RARS2: variants seen among roughly 807,000 people sequenced by gnomAD.
RARS2 encodes the protein probable arginine--tRNA ligase, mitochondrial.
RARS2 carries 67 observed loss-of-function variants against 88.5 expected under a neutral mutation model. That is an observed-to-expected ratio of 0.76 (90% CI 0.62 to 0.93). The LOEUF is 0.93. RARS2 is among the 40% of genes least tolerant of loss of function. The pLI, the probability that RARS2 is intolerant of heterozygous loss-of-function variation, is 0.00. For synonymous variants in RARS2, 239 were observed against 230.3 expected (o/e 1.04, Z -0.34); for missense variants, 664 against 684.2 (o/e 0.97, Z 0.33).
intron 8 of RARS2, among the ~76,000 whole-genome samples, chr6:87,539,887 A>T (rs1267635909): frequency 6.6e-6 from 1 of 152,184 alleles, no homozygotes; most frequent in African/African-American, 2.4e-5. Context: ...GTGGGCCTGG[A>T]TCTCATGAAA....
chr6:87,561,421 T>C (rs1487319317), intron 4 of RARS2, among the ~76,000 whole-genome samples: 1 of 152,212 alleles, frequency 6.6e-6, no homozygotes, highest in Non-Finnish European at 1.5e-5. Context: ...CTCCCTCTTC[T>C]TTCCCTTTAA....
intron 12 of RARS2, among the ~76,000 whole-genome samples, chr6:87,520,863 T>G (rs1161833814): frequency 6.6e-6 from 1 of 152,184 alleles, no homozygotes; most frequent in Non-Finnish European, 1.5e-5. Flanking sequence ...GGTGTGATTA[T>G]TAAGTGGCTG....
intron 8 of RARS2, among the ~76,000 whole-genome samples, chr6:87,533,796 G>A (rs1459980500): frequency 6.6e-6 from 1 of 152,124 alleles, no homozygotes; most frequent in Non-Finnish European, 1.5e-5. Flanking sequence ...AAAGAACTAA[G>A]CATGAAAATT....
intron 18 of RARS2, among the ~76,000 whole-genome samples, chr6:87,516,505 T>C (rs1385651887): frequency 6.6e-6 from 1 of 152,236 alleles, no homozygotes; most frequent in Non-Finnish European, 1.5e-5. Context: ...AAGCCCTCTC[T>C]GATCGCTCAA....
chr6:87,584,808 C>A, intron 1 of RARS2: 1 of 437,548 alleles, frequency 2.3e-6, no homozygotes, highest in Admixed American at 2.5e-5. Flanking sequence ...GTTATCTACC[C>A]CAAGACCCAG....
At chr6:87,556,478 C>T (rs1311008367) in intron 4 of RARS2, among the ~76,000 whole-genome samples, 1 of 151,920 alleles carries the variant, frequency 6.6e-6, no homozygotes, top group African/African-American at 2.4e-5. Flanking sequence ...GCTACCACAC[C>T]CAGCTAATTA....
intron 10 of RARS2, among the ~76,000 whole-genome samples, chr6:87,529,019 GA>G (rs899313990): frequency 1.3e-5 from 2 of 151,734 alleles, no homozygotes; most frequent in African/African-American, 4.8e-5. Context: ...TTTTTTTAAA[GA>G]AAAAACTCTG....
intron 1 of RARS2, among the ~76,000 whole-genome samples, chr6:87,578,716 T>A (rs1399819578): frequency 6.6e-6 from 1 of 152,126 alleles, no homozygotes; most frequent in Non-Finnish European, 1.5e-5. Context: ...CCCAGCACTT[T>A]GGGAGGCCGA....
chr6:87,562,908 G>A (rs1054336995), intron 3 of RARS2, 123 bp from the exon 4 acceptor site: 31 of 743,250 alleles, frequency 4.2e-5, no homozygotes, highest in Admixed American at 5.9e-5. Flanking sequence ...TCCCTATATC[G>A]GGTCCCAGTT....
intron 2 of RARS2, among the ~76,000 whole-genome samples, chr6:87,567,255 A>AAGAC (rs1554212467): frequency 6.6e-6 from 1 of 151,710 alleles, no homozygotes; most frequent in Non-Finnish European, 1.5e-5. Context: ...CCGCCTCAAA[A>AAGAC]AAACAAAGAA....
At position 87,514,324 on chromosome 6, in the gene RARS2, A is replaced by T. The variant is rs1770817217; in HGVS notation, c.*89T>A. The T allele has an allele frequency of 1.0e-6, 1 of 986,962 alleles. No homozygotes were observed. The highest frequency in any genetic ancestry group is 2.7e-5 in the East Asian group (1 of 37,040). The allele number at this position is 986,962 out of a possible 1,614,324, so 61.1% of individuals were successfully genotyped here. A position where few individuals can be genotyped will look rare whatever the true frequency, so the allele number is the denominator to read the frequency against. On this transcript the variant is annotated 3_prime_UTR_variant, in exon 20 of 20. Coordinates refer to ENST00000369536, the MANE Select transcript of RARS2 (RefSeq NM_020320.5). ...GAAACTCCATCTCAAAAAAAAAAAA[A>T]AAAAATTTAAATTTATTCTGAACAG...
chr6:87,519,455 G>C (rs1215986630), intron 14 of RARS2, 128 bp downstream of exon 14: 4 of 1,029,408 alleles, frequency 3.9e-6, no homozygotes, highest in Non-Finnish European at 5.9e-6. Context: ...ATTAGTGAAA[G>C]GTATTTTTGA....
At chr6:87,544,644 G>A (rs113675228) in intron 7 of RARS2, among the ~76,000 whole-genome samples, 1,777 of 152,176 alleles carry the variant, frequency 0.012, 34 homozygotes, top group African/African-American at 0.04. Context: ...AATCTACCCC[G>A]TCCTTCACTA....
intron 7 of RARS2, among the ~76,000 whole-genome samples, chr6:87,542,649 T>TA (rs201517971): frequency 0.092 from 10,252 of 111,776 alleles, 385 homozygotes; most frequent in East Asian, 0.11. Flanking sequence ...AATTTGAACC[T>TA]AAAAAAAAAA....
rs1781082529 is a variant in RARS2, at chr6:87,541,859, A to T, written c.612+59T>A. The T allele has an allele frequency of 2.0e-5, 25 of 1,280,838 alleles. No individual in the cohort carries two copies. The South Asian group carries it at 2.6e-4, about 13-fold the overall frequency. The allele number at this position is 1,280,838 out of a possible 1,614,324, so 79.3% of individuals were successfully genotyped here. The stretch of plus-strand genomic sequence containing the variant: ...AAAATAAACCTCTGGGATTAAAAAC[A>T]TGTTACTAAGCTACATAGTACTCTG... On this transcript the variant is annotated intron_variant, in intron 8 of 19. Coordinates refer to ENST00000369536, the MANE Select transcript of RARS2 (RefSeq NM_020320.5).
chr6:87,532,191 C>A (rs1777742527), intron 8 of RARS2, among the ~76,000 whole-genome samples: 1 of 151,726 alleles, frequency 6.6e-6, no homozygotes, highest in South Asian at 2.1e-4. Flanking sequence ...TAAATAAATA[C>A]TGCTAAATAA....
rs1772464385 is a variant in RARS2, at chr6:87,518,209, G to A, written c.1471C>T (p.Gln491Ter). The A allele has an allele frequency of 6.2e-7, 1 of 1,614,048 alleles. No individual in the cohort carries two copies. The highest frequency in any genetic ancestry group is 8.5e-7 in the Non-Finnish European group (1 of 1,180,030). Residue 491 changes from glutamine (Q) to a stop codon, truncating the protein, a stop_gained, in exon 17 of 20, where the codon CAA (glutamine) becomes TAA (stop). Coordinates refer to ENST00000369536, the MANE Select transcript of RARS2 (RefSeq NM_020320.5). LOFTEE classifies it high-confidence loss of function. The part of the protein sequence containing the change: ...YLNDFNTACL[Q>*]EPQSVSILQH... ...AGAATTGAAACAGACTGTGGCTCTT[G>A]TAAACAAGCAGTGTTGAAGTCATTC...
At chr6:87,545,147 G>C (rs1179055192) in intron 7 of RARS2, among the ~76,000 whole-genome samples, 1 of 152,186 alleles carries the variant, frequency 6.6e-6, no homozygotes, top group African/African-American at 2.4e-5. Flanking sequence ...CAACCACGCT[G>C]GGTGCAGTGG....
At chr6:87,519,158 A>ATG (rs1405475711) in intron 14 of RARS2, 43 of 332,272 alleles carry the variant, frequency 1.3e-4, no homozygotes, top group Middle Eastern at 2.0e-3. Context: ...ATATATATGT[A>ATG]TGTGTGTATA....
Sources: allele counts gnomAD v4.1 joint callset (sites outside exome capture counted in the v4.1 genomes callset), GRCh38; gene constraint gnomAD v4.1.1; transcripts MANE v1.5; gene names NCBI Gene and HGNC (gene_info 2026-07-23, HGNC 2026-07-21).